The following SMIM33 variants were observed in gnomAD, a reference collection of about 807,000 sequenced individuals.
The protein encoded by SMIM33 is small integral membrane protein 33.
Position 139,472,939 on chromosome 5 carries a change from G to A in SMIM33, c.*18G>A. 1 of 400,602 alleles carries A rather than the reference G, an allele frequency of 2.5e-6. No homozygotes were observed. 24.8% of individuals were successfully genotyped at this position (400,602 alleles called of 1,614,324 possible). ...GTCTGTAGGAGGGAGACTTTGGAGAGTTAGCCTGACCTAGCTCAGAACAAG... is the reference window on the plus strand; with the variant it reads ...GTCTGTAGGAGGGAGACTTTGGAGAATTAGCCTGACCTAGCTCAGAACAAG... On this transcript the variant is annotated 3_prime_UTR_variant, in exon 2 of 2. Transcript: ENST00000637503.
In SMIM33 at chr5:139,473,684, C is replaced by G. The variant is rs940205247; in HGVS notation, c.*763C>G. On this transcript the variant is annotated 3_prime_UTR_variant, in exon 2 of 2. Coordinates refer to ENST00000637503, the MANE Select transcript of SMIM33 (RefSeq NM_001365197.1). ...CAGATCTTTCCGGCTGATGAGAAAA[C>G]AGGAAAGGAAAAGGAGCTCCATGGA... 3.3e-5 allele frequency: 5 copies of G among 152,070 alleles called. No individual in the cohort carries two copies. Among genetic ancestry groups the G allele is most frequent in the Admixed American group, 6.6e-5 (1 of 15,262 alleles). The allele number at this position is 152,070 out of a possible 1,614,324, so 9.4% of individuals were successfully genotyped here. A position where few individuals can be genotyped will look rare whatever the true frequency, so the allele number is the denominator to read the frequency against.
rs764480490 is a variant in SMIM33 at position 139,473,586 on chromosome 5, C to T, written c.*665C>T. 3 of 152,272 alleles carry T rather than the reference C, an allele frequency of 2.0e-5. No homozygotes were observed. Among genetic ancestry groups the T allele is most frequent in the African/African-American group, 2.4e-5 (1 of 41,468 alleles). The allele number at this position is 152,272 out of a possible 1,614,324, so 9.4% of individuals were successfully genotyped here. ...AGAAGGGATGGGGGAATTTGGGAGC[C>T]TCTCATTGCCTCCCACTTTCTGTGT... On this transcript the variant is annotated 3_prime_UTR_variant, in exon 2 of 2. Coordinates refer to ENST00000637503, the MANE Select transcript of SMIM33 (RefSeq NM_001365197.1).
intron 1 of SMIM33, among the ~76,000 whole-genome samples, chr5:139,471,567 A>G (rs909605039): frequency 6.6e-6 from 1 of 152,154 alleles, no homozygotes; most frequent in Non-Finnish European, 1.5e-5. Context: ...CAGTTTTGCC[A>G]TTTGCTACCT....
chr5:139,472,877 C>T lies in SMIM33; in HGVS notation c.355C>T (p.Pro119Ser), dbSNP rs1015607049. 24 of 400,746 alleles carry T rather than the reference C, an allele frequency of 6.0e-5. No homozygotes were observed. Among genetic ancestry groups the T allele is most frequent in the Non-Finnish European group, 8.8e-5 (20 of 226,322 alleles). The allele number at this position is 400,746 out of a possible 1,614,324, so 24.8% of individuals were successfully genotyped here. ...GPLVPGSCPA[P>S]DGPRPSIDEV... The stretch of plus-strand genomic sequence containing the variant: ...TCTTGTCCCTGGCTCCTGCCCTGCG[C>T]CAGATGGACCCAGGCCCAGCATCGA... The change falls in exon 2 of 2, where the codon CCA (proline) becomes TCA (serine). Residue 119 changes from proline to serine, a missense_variant. By Grantham distance (74) the Pro-to-Ser change is moderately conservative. Transcript: ENST00000637503.
rs902572930 is a variant in SMIM33, at chr5:139,471,008, T to A, written c.-114T>A. 10 of 398,674 alleles carry A rather than the reference T, an allele frequency of 2.5e-5. No homozygotes were observed. Among genetic ancestry groups the A allele is most frequent in the Admixed American group, 4.4e-5 (1 of 22,716 alleles). 24.7% of individuals were successfully genotyped at this position (398,674 alleles called of 1,614,324 possible). ...GGTGAGAGTGTGTGCACAGGGTGTG[T>A]GCCCATGGGCCCCGCAGACGTGGCA... On this transcript the variant is annotated 5_prime_UTR_variant, in exon 1 of 2. Transcript: ENST00000637503.
At chr5:139,471,159 G>A in intron 1 of SMIM33, 29 bp downstream of exon 1, 1 of 398,844 alleles carries the variant, frequency 2.5e-6, no homozygotes, top group East Asian at 3.6e-5. Flanking sequence ...TTCCTGCCAG[G>A]CTGGGCTGAC....
At chr5:139,471,919 A>G (rs1355827259) in intron 1 of SMIM33, among the ~76,000 whole-genome samples, 1 of 152,146 alleles carries the variant, frequency 6.6e-6, no homozygotes, top group East Asian at 1.9e-4. Flanking sequence ...GTGAGTGGGG[A>G]GTAAGGGGAG....
At position 139,472,984 on chromosome 5, in the gene SMIM33, G is replaced by A. The variant is rs900000370; in HGVS notation, c.*63G>A. ...AACAAGAAACCGGGCAGAGAACTAG[G>A]GCAAAAGCAAATTGGAGCCTGGGCA... On this transcript the variant is annotated 3_prime_UTR_variant, in exon 2 of 2. Transcript: ENST00000637503. 6.0e-5 allele frequency: 24 copies of A among 398,868 alleles called. No individual in the cohort carries two copies. Among genetic ancestry groups the A allele is most frequent in the Non-Finnish European group, 7.5e-5 (17 of 226,346 alleles). 24.7% of individuals were successfully genotyped at this position (398,868 alleles called of 1,614,324 possible). A position where few individuals can be genotyped will look rare whatever the true frequency, so the allele number is the denominator to read the frequency against.
At position 139,472,845 on chromosome 5, in the gene SMIM33, C is replaced by T. The variant is rs1351390902; in HGVS notation, c.323C>T (p.Pro108Leu). The change falls in exon 2 of 2, where the codon CCG (proline) becomes CTG (leucine). Residue 108 changes from proline (P) to leucine (L), a missense_variant. Pro to Leu is a moderately conservative substitution (Grantham distance 98, BLOSUM62 -3). Coordinates refer to ENST00000637503, the MANE Select transcript of SMIM33 (RefSeq NM_001365197.1). ...CAAGACAGTCCTGAAGAAGCACCAC[C>T]GGGCCCTCTTGTCCCTGGCTCCTGC... ...GPQDSPEEAPPGPLVPGSCPA... is the reference protein window; with the variant it reads ...GPQDSPEEAPLGPLVPGSCPA... 56 of 400,784 alleles carry T rather than the reference C, an allele frequency of 1.4e-4. 1 individual carries two copies. The Admixed American group carries it at 1.7e-3, about 12-fold the overall frequency. The allele number at this position is 400,784 out of a possible 1,614,324, so 24.8% of individuals were successfully genotyped here. A position where few individuals can be genotyped will look rare whatever the true frequency, so the allele number is the denominator to read the frequency against.
chr5:139,472,024 C>T lies in SMIM33; in HGVS notation c.10-508C>T, dbSNP rs1002923375. ...AGGATGTGGGGACAGCAGCCCATAGCGTGCCAAGACTCCCGACCCAGGGCA... is the reference window on the plus strand; with the variant it reads ...AGGATGTGGGGACAGCAGCCCATAGTGTGCCAAGACTCCCGACCCAGGGCA... On this transcript the variant is annotated intron_variant, in intron 1 of 1. Transcript: ENST00000637503. 7.2e-5 allele frequency among the ~76,000 whole-genome samples: 11 copies of T among 152,264 alleles called. No individual in the cohort carries two copies. In the South Asian group the frequency reaches 1.0e-3, roughly 14 times the overall value.
rs1189092531 is a variant in SMIM33, at chr5:139,473,626, GAACAAGCCTAGAATGTAC to G, written c.*706_*723del. 6.6e-6 allele frequency: 1 copy of G among 152,182 alleles called. No homozygotes were observed. The highest frequency in any genetic ancestry group is 2.4e-5 in the African/African-American group (1 of 41,430). 9.4% of individuals were successfully genotyped at this position (152,182 alleles called of 1,614,324 possible). A position where few individuals can be genotyped will look rare whatever the true frequency, so the allele number is the denominator to read the frequency against. ...ACTTTCTGTGTGCCTGGGCCTGTTG[GAACAAGCCTAGAATGTAC>G]CACAGGACATTTCCCAGATCTTTCC... On this transcript the variant is annotated 3_prime_UTR_variant, in exon 2 of 2. Transcript: ENST00000637503.
chr5:139,471,405 T>C (rs866707218), intron 1 of SMIM33, among the ~76,000 whole-genome samples: 10 of 152,074 alleles, frequency 6.6e-5, no homozygotes, highest in African/African-American at 2.4e-4. Context: ...AAGCCTTTCC[T>C]GGCCTACCCA....
At chr5:139,471,298 G>T (rs1751531644) in intron 1 of SMIM33, among the ~76,000 whole-genome samples, 168 bp downstream of exon 1, 1 of 152,182 alleles carries the variant, frequency 6.6e-6, no homozygotes, top group Admixed American at 6.5e-5. Context: ...TGCAAGGTAG[G>T]GTGGGGGGTG....
intron 1 of SMIM33, 115 bp from the exon 2 acceptor site, chr5:139,472,417 T>G: frequency 3.0e-6 from 1 of 338,952 alleles, no homozygotes; most frequent in African/African-American, 2.1e-5. Flanking sequence ...CTCTGGTCCC[T>G]CCCGCCCTCA....
chr5:139,472,065 A>G lies in SMIM33; in HGVS notation c.10-467A>G, dbSNP rs1751543791. ...ACCCAGGGCACAGGATCTATTTAGG[A>G]ATTTTGCTGGAGACCTGGGAAAAGG... is the stretch of plus-strand genomic sequence containing the variant. On this transcript the variant is annotated intron_variant, in intron 1 of 1. Transcript: ENST00000637503. Among the ~76,000 whole-genome samples the G allele has an allele frequency of 2.0e-5, 3 of 152,114 alleles. No individual in the cohort carries two copies. In the South Asian group the frequency reaches 6.2e-4, roughly 32 times the overall value.
At chr5:139,472,011 C>T (rs1023012404) in intron 1 of SMIM33, among the ~76,000 whole-genome samples, 1 of 152,170 alleles carries the variant, frequency 6.6e-6, no homozygotes, top group Non-Finnish European at 1.5e-5. Context: ...GATGTGGGGA[C>T]AGCAGCCCAT....
intron 1 of SMIM33, among the ~76,000 whole-genome samples, chr5:139,472,171 A>C (rs1340482937): frequency 6.6e-6 from 1 of 152,116 alleles, no homozygotes; most frequent in Non-Finnish European, 1.5e-5. Flanking sequence ...ACCCTGTCTG[A>C]ATGTCTTTGT....
intron 1 of SMIM33, among the ~76,000 whole-genome samples, chr5:139,471,572 C>T (rs958718307): frequency 7.2e-5 from 11 of 152,080 alleles, no homozygotes; most frequent in African/African-American, 2.4e-4. Context: ...TTGCCATTTG[C>T]TACCTTCACT....
intron 1 of SMIM33, 135 bp from the exon 2 acceptor site, chr5:139,472,395 TTC>T: frequency 2.5e-6 from 1 of 396,702 alleles, no homozygotes; most frequent in Non-Finnish European, 4.4e-6. Flanking sequence ...CTTTTTGTCT[TTC>T]TGTCTTTGTC....
Sources: gnomAD v4.1 joint callset for allele counts (sites outside exome capture counted in the v4.1 genomes callset) on GRCh38, gnomAD v4.1.1 for gene constraint, MANE v1.5 for transcripts, NCBI Gene and HGNC (gene_info 2026-07-23, HGNC 2026-07-21) for gene names.